CEP112: variants seen among roughly 807,000 people sequenced by gnomAD.
CEP112 encodes centrosomal protein of 112 kDa.
In CEP112, 127 loss-of-function variants were observed where a neutral mutation model predicts 153.0. That is an observed-to-expected ratio of 0.83 (90% CI 0.72 to 0.96). The LOEUF is 0.96. CEP112 is among the 40% of genes least tolerant of loss of function. CEP112 has a pLI of 0.00. For missense variants in CEP112, 1,089 were observed against 1,101.2 expected, an observed-to-expected ratio of 0.99 and a Z score of 0.16; for synonymous variants, 358 against 374.4, an observed-to-expected ratio of 0.96 and a Z score of 0.51.
intron 21 of CEP112, among the ~76,000 whole-genome samples, chr17:65,848,463 G>C (rs974527364): frequency 1.3e-5 from 2 of 151,708 alleles, no homozygotes; most frequent in East Asian, 1.9e-4. Context: ...TTCTACCTTC[G>C]TGACCCTTCT....
intron 23 of CEP112, among the ~76,000 whole-genome samples, chr17:65,700,182 T>C (rs1289262587): frequency 6.6e-6 from 1 of 151,842 alleles, no homozygotes; most frequent in African/African-American, 2.4e-5. Context: ...GCCTTCTTTC[T>C]ATACACTGTG....
intron 24 of CEP112, among the ~76,000 whole-genome samples, chr17:65,678,091 A>T (rs1167473217): frequency 1.3e-5 from 2 of 152,178 alleles, no homozygotes; most frequent in African/African-American, 4.8e-5. Flanking sequence ...TTTTCCAAAC[A>T]TGACAAGCAC....
At chr17:66,175,570 CTACTT>C (rs2072436915) in intron 3 of CEP112, among the ~76,000 whole-genome samples, 1 of 152,110 alleles carries the variant, frequency 6.6e-6, no homozygotes, top group Non-Finnish European at 1.5e-5. Context: ...TAATCACTAA[CTACTT>C]TACATACACA....
intron 20 of CEP112, among the ~76,000 whole-genome samples, chr17:65,887,623 C>T (rs1310251387): frequency 6.6e-6 from 1 of 152,156 alleles, no homozygotes; most frequent in Non-Finnish European, 1.5e-5. Flanking sequence ...TCAGCAAATG[C>T]GGTGCTAGGG....
chr17:66,047,476 A>G (rs1027770602), intron 12 of CEP112, among the ~76,000 whole-genome samples: 1 of 152,228 alleles, frequency 6.6e-6, no homozygotes, highest in Non-Finnish European at 1.5e-5. Context: ...ACATTCACAT[A>G]TACTTTCAAT....
chr17:66,094,575 T>A (rs74574236), intron 8 of CEP112, among the ~76,000 whole-genome samples: 1 of 152,086 alleles, frequency 6.6e-6, no homozygotes. Context: ...AAAAGCTCCA[T>A]GACATTGCTC....
intron 20 of CEP112, among the ~76,000 whole-genome samples, chr17:65,879,506 A>T (rs183014021): frequency 3.9e-5 from 6 of 152,362 alleles, no homozygotes; most frequent in Admixed American, 2.6e-4. Flanking sequence ...TTGTTACAAT[A>T]GCAATAGGAA....
chr17:66,110,822 C>T (rs1406533721), intron 6 of CEP112, among the ~76,000 whole-genome samples: 11 of 152,030 alleles, frequency 7.2e-5, no homozygotes, highest in Admixed American at 6.6e-4. Flanking sequence ...GACAAAGACA[C>T]CAAAAGCAAT....
At chr17:65,804,997 C>T (rs1598633254) in intron 21 of CEP112, among the ~76,000 whole-genome samples, 1 of 151,952 alleles carries the variant, frequency 6.6e-6, no homozygotes, top group Non-Finnish European at 1.5e-5. Context: ...TACAGGTGCA[C>T]ACTACCACAT....
intron 9 of CEP112, among the ~76,000 whole-genome samples, 164 bp from the exon 10 acceptor site, chr17:66,067,041 AC>A (rs1470912879): frequency 6.6e-6 from 1 of 151,926 alleles, no homozygotes; most frequent in Non-Finnish European, 1.5e-5. Context: ...ACACACACAC[AC>A]ACACACACAC....
At chr17:65,769,923 C>T (rs2053240373) in intron 21 of CEP112, among the ~76,000 whole-genome samples, 1 of 151,814 alleles carries the variant, frequency 6.6e-6, no homozygotes, top group South Asian at 2.1e-4. Flanking sequence ...GGAAATTAAG[C>T]TAAAAATAAC....
chr17:66,016,604 TG>T (rs1214169801), intron 16 of CEP112, among the ~76,000 whole-genome samples: 5 of 152,044 alleles, frequency 3.3e-5, no homozygotes, highest in African/African-American at 1.2e-4. Flanking sequence ...CCTGCTTCAC[TG>T]GTACTCTAAA....
chr17:66,014,343 T>C lies in CEP112; in HGVS notation c.1657-8574A>G, dbSNP rs183155246. Among the ~76,000 whole-genome samples the C allele has an allele frequency of 2.6e-3, 390 of 152,236 alleles. 1 individual carries two copies. Among genetic ancestry groups the C allele is most frequent in the African/African-American group, 9.0e-3 (375 of 41,546 alleles). The stretch of plus-strand genomic sequence containing the variant: ...TGGTTGAGCATCTGAGTCTGCACTG[T>C]AAGCAGGCAAAGCCAGGCTATGGTC... On this transcript the variant is annotated intron_variant, in intron 16 of 26. Coordinates refer to ENST00000535342, the MANE Select transcript of CEP112 (RefSeq NM_001199165.4).
Position 65,785,353 on chromosome 17 carries a change from C to T in CEP112, c.2395-34629G>A, listed in dbSNP as rs576572928. 1.3e-4 allele frequency among the ~76,000 whole-genome samples: 20 copies of T among 152,292 alleles called. No individual in the cohort carries two copies. In the South Asian group the frequency reaches 4.1e-3, roughly 32 times the overall value. On this transcript the variant is annotated intron_variant, in intron 21 of 26. Transcript: ENST00000535342. Reference sequence around the variant, plus strand: ...GTACTTAGGAGTTGAATTGCTGAGTCATGTGGTAACTATGTTTAGCTTTTT... The same window carrying T: ...GTACTTAGGAGTTGAATTGCTGAGTTATGTGGTAACTATGTTTAGCTTTTT...
chr17:65,652,361 C>G (rs896710136), intron 24 of CEP112, among the ~76,000 whole-genome samples: 32 of 152,136 alleles, frequency 2.1e-4, no homozygotes, highest in Non-Finnish European at 3.8e-4. Context: ...AATAACTTTT[C>G]AAGGCCACCG....
At chr17:65,731,958 C>T (rs908826832) in intron 23 of CEP112, among the ~76,000 whole-genome samples, 1 of 152,192 alleles carries the variant, frequency 6.6e-6, no homozygotes, top group Non-Finnish European at 1.5e-5. Context: ...TCAACTTCTT[C>T]CAAACTCCTG....
At chr17:65,815,598 T>A (rs1051068876) in intron 21 of CEP112, among the ~76,000 whole-genome samples, 1 of 152,080 alleles carries the variant, frequency 6.6e-6, no homozygotes, top group South Asian at 2.1e-4. Context: ...CTGGGAGAAA[T>A]GACATTCTTA....
chr17:66,142,861 A>AT (rs1006490375), intron 4 of CEP112, among the ~76,000 whole-genome samples: 3 of 151,912 alleles, frequency 2.0e-5, no homozygotes, highest in African/African-American at 4.8e-5. Flanking sequence ...GAATTTTCAT[A>AT]TTTTTTTTAT....
chr17:65,909,818 C>G (rs542566987), intron 19 of CEP112, among the ~76,000 whole-genome samples: 3 of 152,190 alleles, frequency 2.0e-5, no homozygotes, highest in African/African-American at 7.2e-5. Flanking sequence ...GAGACATACT[C>G]TTTTGTCCCT....
Sources: allele counts gnomAD v4.1 joint callset (sites outside exome capture counted in the v4.1 genomes callset), GRCh38; gene constraint gnomAD v4.1.1; transcripts MANE v1.5; gene names NCBI Gene and HGNC (gene_info 2026-07-23, HGNC 2026-07-21).